The following TMTC1 variants were observed in gnomAD, a reference collection of about 807,000 sequenced individuals.
TMTC1 encodes transmembrane O-mannosyltransferase targeting cadherins 1.
TMTC1 carries 73 observed loss-of-function variants against 104.8 expected under a neutral mutation model. That is an observed-to-expected ratio of 0.70 (90% CI 0.58 to 0.85). The LOEUF (loss-of-function observed/expected upper bound fraction) is 0.85, where lower values mean the gene tolerates loss of function less well. Among genes scored for constraint, TMTC1 ranks in the 40% least tolerant of loss-of-function variants. TMTC1 has a pLI of 0.00. For synonymous variants in TMTC1, 434 were observed against 428.7 expected, an observed-to-expected ratio of 1.01 and a Z score of -0.15; for missense variants, 1,035 against 1,096.1, an observed-to-expected ratio of 0.94 and a Z score of 0.79.
At chr12:29,618,260 G>T (rs1438504723) in intron 6 of TMTC1, among the ~76,000 whole-genome samples, 1 of 152,196 alleles carries the variant, frequency 6.6e-6, no homozygotes, top group Non-Finnish European at 1.5e-5. Flanking sequence ...GCAACACACT[G>T]AATGGGTAAA....
chr12:29,774,029 T>C (rs1421884032), intron 1 of TMTC1, among the ~76,000 whole-genome samples: 1 of 150,502 alleles, frequency 6.6e-6, no homozygotes, highest in Non-Finnish European at 1.5e-5. Flanking sequence ...GACATGAGTG[T>C]GTGTGTGTGT....
intron 1 of TMTC1, among the ~76,000 whole-genome samples, chr12:29,771,146 T>A (rs1383167667): frequency 6.6e-6 from 1 of 152,192 alleles, no homozygotes; most frequent in Non-Finnish European, 1.5e-5. Context: ...AATGAAACTA[T>A]ACAGTGTATA....
At chr12:29,679,426 T>C (rs961352298) in intron 5 of TMTC1, among the ~76,000 whole-genome samples, 4 of 152,158 alleles carry the variant, frequency 2.6e-5, no homozygotes, top group Non-Finnish European at 5.9e-5. Flanking sequence ...GTAAAATTTC[T>C]TACAAATTAA....
chr12:29,640,641 C>T (rs544302096), intron 5 of TMTC1: 1 of 152,224 alleles, frequency 6.6e-6, no homozygotes, highest in Non-Finnish European at 1.5e-5. Context: ...CTCGCGGGCT[C>T]CCCTGGCAGG....
chr12:29,506,698 C>T lies in TMTC1; in HGVS notation c.*148G>A, dbSNP rs551261491. 1.0e-5 allele frequency: 10 copies of T among 979,914 alleles called. No homozygotes were observed. In the African/African-American group the frequency reaches 1.6e-4, roughly 16 times the overall value. 60.7% of individuals were successfully genotyped at this position (979,914 alleles called of 1,614,324 possible). A position where few individuals can be genotyped will look rare whatever the true frequency, so the allele number is the denominator to read the frequency against. On this transcript the variant is annotated 3_prime_UTR_variant, in exon 18 of 18. Transcript: ENST00000539277. ...AAGCAAGTCCTTCAGCACTGGGCTACCAGCAGATGTCCCAAAATGTGTCAC... is the reference window on the plus strand; with the variant it reads ...AAGCAAGTCCTTCAGCACTGGGCTATCAGCAGATGTCCCAAAATGTGTCAC...
At chr12:29,599,071 T>C (rs1032223873) in intron 7 of TMTC1, among the ~76,000 whole-genome samples, 2 of 152,232 alleles carry the variant, frequency 1.3e-5, no homozygotes, top group Non-Finnish European at 2.9e-5. Context: ...TAAATCATCC[T>C]TAATCTGGCA....
chr12:29,679,665 T>C (rs1940846822), intron 5 of TMTC1, among the ~76,000 whole-genome samples: 1 of 151,862 alleles, frequency 6.6e-6, no homozygotes, highest in South Asian at 2.1e-4. Context: ...GGAGGCTATA[T>C]ACATTAAATT....
At chr12:29,702,136 C>T (rs887706334) in intron 5 of TMTC1, among the ~76,000 whole-genome samples, 2 of 152,090 alleles carry the variant, frequency 1.3e-5, no homozygotes, top group African/African-American at 4.8e-5. Flanking sequence ...GATTAATAAG[C>T]TTTTCCCATC....
intron 5 of TMTC1, among the ~76,000 whole-genome samples, chr12:29,708,614 T>C (rs1941815523): frequency 6.6e-6 from 1 of 152,158 alleles, no homozygotes; most frequent in Non-Finnish European, 1.5e-5. Flanking sequence ...TTCCAAACAG[T>C]GCTTCAGGAT....
At chr12:29,708,107 G>A (rs557685428) in intron 5 of TMTC1, among the ~76,000 whole-genome samples, 2 of 152,262 alleles carry the variant, frequency 1.3e-5, no homozygotes, top group East Asian at 3.9e-4. Flanking sequence ...ATATGTCAGG[G>A]AAGGAAACAA....
chr12:29,727,904 C>A (rs1942441273), intron 5 of TMTC1, among the ~76,000 whole-genome samples: 1 of 152,154 alleles, frequency 6.6e-6, no homozygotes, highest in Non-Finnish European at 1.5e-5. Flanking sequence ...ATCCTCCCAC[C>A]TCAGCTTCCC....
intron 5 of TMTC1, among the ~76,000 whole-genome samples, chr12:29,643,765 A>T (rs1159384580): frequency 3.4e-5 from 1 of 29,196 alleles, no homozygotes; most frequent in African/African-American, 1.6e-4. Flanking sequence ...TTTATAATAC[A>T]CATATATTTA....
intron 10 of TMTC1, among the ~76,000 whole-genome samples, chr12:29,549,113 G>A (rs1945028082): frequency 6.7e-6 from 1 of 149,024 alleles, no homozygotes; most frequent in Non-Finnish European, 1.5e-5. Flanking sequence ...ATTCACAACA[G>A]CTTTATTCGT....
At chr12:29,695,791 TTTTATATATA>T (rs1267965361) in intron 5 of TMTC1, among the ~76,000 whole-genome samples, 9 of 95,272 alleles carry the variant, frequency 9.4e-5, no homozygotes, top group East Asian at 6.4e-4. Flanking sequence ...ACTACTTCCT[TTTTATATATA>T]TATATATATA....
chr12:29,573,166 A>G (rs1945728718), intron 8 of TMTC1, among the ~76,000 whole-genome samples: 1 of 152,130 alleles, frequency 6.6e-6, no homozygotes, highest in Admixed American at 6.5e-5. Context: ...AGGAGTATAC[A>G]TGGGGACTCA....
chr12:29,720,130 A>G (rs1942196141), intron 5 of TMTC1, among the ~76,000 whole-genome samples: 1 of 152,228 alleles, frequency 6.6e-6, no homozygotes, highest in Non-Finnish European at 1.5e-5. Context: ...GTTAGGTCAT[A>G]ATGCTATCAT....
intron 7 of TMTC1, among the ~76,000 whole-genome samples, chr12:29,591,564 G>A (rs1206992720): frequency 2.0e-5 from 3 of 152,206 alleles, no homozygotes; most frequent in Admixed American, 6.5e-5. Flanking sequence ...TTCAAAGCAC[G>A]TTTGAGAAAG....
chr12:29,716,363 G>A (rs970713122), intron 5 of TMTC1, among the ~76,000 whole-genome samples: 10 of 152,130 alleles, frequency 6.6e-5, no homozygotes, highest in Admixed American at 1.3e-4. Context: ...ATAAGGCAAC[G>A]AAAAGTCTAG....
intron 5 of TMTC1, among the ~76,000 whole-genome samples, chr12:29,736,809 C>T (rs1048365978): frequency 1.3e-5 from 2 of 152,224 alleles, no homozygotes; most frequent in Non-Finnish European, 2.9e-5. Context: ...GGCATGCCCA[C>T]AGCAAAAGCT....
Sources: gnomAD v4.1 joint callset for allele counts (sites outside exome capture counted in the v4.1 genomes callset) on GRCh38, gnomAD v4.1.1 for gene constraint, MANE v1.5 for transcripts, NCBI Gene and HGNC (gene_info 2026-07-23, HGNC 2026-07-21) for gene names.